ERBB4: variants seen among roughly 807,000 people sequenced by gnomAD.
ERBB4 encodes the protein receptor tyrosine-protein kinase erbB-4.
ERBB4 carries 42 observed loss-of-function variants against 158.0 expected under a neutral mutation model. The observed-to-expected ratio is 0.27, with a 90% CI of 0.21 to 0.34. The LOEUF is 0.34. Ranked by LOEUF, ERBB4 falls within the 10% of genes least tolerant of loss-of-function variation. The pLI is 1.00. For synonymous variants in ERBB4, 583 were observed against 558.7 expected, an observed-to-expected ratio of 1.04 and a Z score of -0.61; for missense variants, 1,333 against 1,624.1, an observed-to-expected ratio of 0.82 and a Z score of 3.08.
At chr2:212,094,876 A>T (rs575507063) in intron 2 of ERBB4, among the ~76,000 whole-genome samples, 3 of 152,192 alleles carry the variant, frequency 2.0e-5, no homozygotes, top group African/African-American at 4.8e-5. Flanking sequence ...TGTCATAAAG[A>T]TTATTTATTA....
chr2:211,540,188 T>TTATATA (rs571359851), intron 20 of ERBB4, among the ~76,000 whole-genome samples: 1 of 143,918 alleles, frequency 6.9e-6, no homozygotes, highest in African/African-American at 2.5e-5. Flanking sequence ...CCTACATGAT[T>TTATATA]TATATATATA....
chr2:212,267,212 C>G (rs570112643), intron 1 of ERBB4, among the ~76,000 whole-genome samples: 1 of 151,876 alleles, frequency 6.6e-6, no homozygotes, highest in South Asian at 2.1e-4. Flanking sequence ...ACATGCATTT[C>G]AATAAACCAT....
chr2:211,656,661 G>A (rs2071230107), intron 16 of ERBB4, among the ~76,000 whole-genome samples: 1 of 152,042 alleles, frequency 6.6e-6, no homozygotes, highest in African/African-American at 2.4e-5. Flanking sequence ...TCCAGCTCTT[G>A]GCAACATTTC....
chr2:212,458,212 G>T (rs7564771), intron 1 of ERBB4, among the ~76,000 whole-genome samples: 1 of 150,920 alleles, frequency 6.6e-6, no homozygotes, highest in African/African-American at 2.4e-5. Flanking sequence ...GAATGATTAC[G>T]ACAAAAAACT....
intron 1 of ERBB4, among the ~76,000 whole-genome samples, chr2:212,215,400 T>C (rs1246418076): frequency 1.3e-5 from 2 of 151,458 alleles, no homozygotes; most frequent in African/African-American, 4.8e-5. Context: ...TTTCTAAGGC[T>C]CAAATTGCCA....
At chr2:211,990,400 C>G (rs1438330024) in intron 2 of ERBB4, among the ~76,000 whole-genome samples, 2 of 152,002 alleles carry the variant, frequency 1.3e-5, no homozygotes, top group South Asian at 2.1e-4. Flanking sequence ...TGAAAGCTAT[C>G]TTAACATTCA....
At chr2:212,224,251 G>A (rs2083400355) in intron 1 of ERBB4, among the ~76,000 whole-genome samples, 1 of 151,770 alleles carries the variant, frequency 6.6e-6, no homozygotes, top group South Asian at 2.1e-4. Context: ...TCCAAGACTT[G>A]TAAAATAAAG....
At chr2:212,477,485 A>G (rs1201421886) in intron 1 of ERBB4, among the ~76,000 whole-genome samples, 2 of 152,202 alleles carry the variant, frequency 1.3e-5, no homozygotes, top group Non-Finnish European at 2.9e-5. Flanking sequence ...CCACATGTCA[A>G]TTAAGGAACC....
intron 22 of ERBB4, among the ~76,000 whole-genome samples, chr2:211,425,088 T>A (rs956132476): frequency 1.3e-5 from 2 of 152,148 alleles, no homozygotes; most frequent in African/African-American, 4.8e-5. Context: ...TAAATATCTT[T>A]TTTGTAATGT....
At chr2:211,899,820 T>A (rs2125028256) in intron 3 of ERBB4, among the ~76,000 whole-genome samples, 1 of 152,306 alleles carries the variant, frequency 6.6e-6, no homozygotes, top group South Asian at 2.1e-4. Context: ...TTTGATATGT[T>A]GAAAGTGGTT....
chr2:211,417,688 A>G (rs992722730), intron 25 of ERBB4, among the ~76,000 whole-genome samples: 2 of 152,202 alleles, frequency 1.3e-5, no homozygotes, highest in Non-Finnish European at 2.9e-5. Flanking sequence ...ACTATAAAAA[A>G]TTACTTCTGT....
chr2:211,571,121 C>T (rs1188389583), intron 19 of ERBB4, among the ~76,000 whole-genome samples: 1 of 138,482 alleles, frequency 7.2e-6, no homozygotes, highest in Non-Finnish European at 1.5e-5. Context: ...CGGCTCATTG[C>T]AACCTCCGCC....
At chr2:211,894,699 C>G (rs2079056351) in intron 3 of ERBB4, among the ~76,000 whole-genome samples, 2 of 152,066 alleles carry the variant, frequency 1.3e-5, no homozygotes, top group Admixed American at 1.3e-4. Context: ...TTGTCTTATT[C>G]AATGACACCA....
At chr2:212,105,349 T>C (rs980523334) in intron 2 of ERBB4, among the ~76,000 whole-genome samples, 5 of 152,192 alleles carry the variant, frequency 3.3e-5, no homozygotes, top group Admixed American at 3.3e-4. Flanking sequence ...AGCACTGAAT[T>C]GCATTGTGTA....
chr2:212,216,269 C>T (rs9973677), intron 1 of ERBB4, among the ~76,000 whole-genome samples: 74,508 of 151,066 alleles, frequency 0.49, 18,796 homozygotes, highest in East Asian at 0.77. Flanking sequence ...CATTAGTATT[C>T]ACTTCCTATT....
At position 211,914,008 on chromosome 2, in the gene ERBB4, T is replaced by C. The variant is rs564083319; in HGVS notation, c.421+33422A>G. ...TAGTAAAAAAGTCAAGGACAAGAAATAGAATTTGAGAGCTGAATGACACAA... is the reference window on the plus strand; with the variant it reads ...TAGTAAAAAAGTCAAGGACAAGAAACAGAATTTGAGAGCTGAATGACACAA... On this transcript the variant is annotated intron_variant, in intron 3 of 27. Transcript: ENST00000342788. 4.1e-3 allele frequency among the ~76,000 whole-genome samples: 451 copies of C among 110,040 alleles called. 2 individuals are homozygous for C. The highest frequency in any genetic ancestry group is 5.8e-3 in the Admixed American group (60 of 10,358). The allele number at this position is 110,040 out of a possible 152,430, so 72.2% of individuals were successfully genotyped here.
At chr2:212,352,713 C>CA (rs1281425147) in intron 1 of ERBB4, among the ~76,000 whole-genome samples, 1 of 151,644 alleles carries the variant, frequency 6.6e-6, no homozygotes, top group Admixed American at 6.6e-5. Context: ...ACTAAAAATA[C>CA]AAAAATTAGC....
chr2:211,840,704 A>G (rs2077451409), intron 3 of ERBB4, among the ~76,000 whole-genome samples: 1 of 152,140 alleles, frequency 6.6e-6, no homozygotes, highest in South Asian at 2.1e-4. Context: ...GATCCAATCC[A>G]ATCAGACAAG....
Position 211,857,041 on chromosome 2 carries a change from T to G in ERBB4, c.422-68882A>C, listed in dbSNP as rs903996130. On this transcript the variant is annotated intron_variant, in intron 3 of 27. Coordinates refer to ENST00000342788, the MANE Select transcript of ERBB4 (RefSeq NM_005235.3). ...TTATAATATTTCAGCTTTCAGGTTG[T>G]TAAAATGTATATCTTGAAAATATTC... Among the ~76,000 whole-genome samples the G allele has an allele frequency of 1.1e-4, 16 of 152,282 alleles. 1 individual carries two copies. The highest frequency in any genetic ancestry group is 2.2e-4 in the Non-Finnish European group (15 of 68,012).
Sources: allele counts gnomAD v4.1 joint callset (sites outside exome capture counted in the v4.1 genomes callset), GRCh38; gene constraint gnomAD v4.1.1; transcripts MANE v1.5; gene names NCBI Gene and HGNC (gene_info 2026-07-23, HGNC 2026-07-21).